The following TMPRSS15 variants were observed in gnomAD, a reference collection of about 807,000 sequenced individuals.
TMPRSS15 encodes enteropeptidase.
TMPRSS15 carries 128 observed loss-of-function variants against 125.3 expected under a neutral mutation model. That is an observed-to-expected ratio of 1.02 (90% CI 0.89 to 1.18). The LOEUF is 1.18. Among genes scored for constraint, TMPRSS15 ranks in the 50% most tolerant of loss-of-function variants. The pLI is 0.00. For missense variants in TMPRSS15, 1,283 were observed against 1,212.7 expected, an observed-to-expected ratio of 1.06 and a Z score of -0.86; for synonymous variants, 446 against 423.2, an observed-to-expected ratio of 1.05 and a Z score of -0.66.
intron 18 of TMPRSS15, among the ~76,000 whole-genome samples, chr21:18,304,337 T>C (rs1299712772): frequency 1.3e-5 from 2 of 152,160 alleles, no homozygotes; most frequent in African/African-American, 4.8e-5. Context: ...GGATGCTTTG[T>C]ATAACTTCTA....
chr21:18,282,261 T>C (rs1223960885), intron 21 of TMPRSS15, among the ~76,000 whole-genome samples: 1 of 152,068 alleles, frequency 6.6e-6, no homozygotes, highest in East Asian at 1.9e-4. Flanking sequence ...TTGGGTAGTA[T>C]ATTATAATTT....
In TMPRSS15 at chr21:18,313,951, CA is replaced by C. The variant is rs1332882778; in HGVS notation, c.2033-875del. Among the ~76,000 whole-genome samples, 5 of 150,506 alleles carry C rather than the reference CA, an allele frequency of 3.3e-5. No homozygotes were observed. In the East Asian group the frequency reaches 9.8e-4, roughly 29 times the overall value. ...TGCTTTTATACCATTTGATTTCTAT[CA>C]ACTTACTTATCATTTTACAACCATT... On this transcript the variant is annotated intron_variant, in intron 17 of 24. Transcript: ENST00000284885.
At chr21:18,364,127 A>G (rs1395061044) in intron 7 of TMPRSS15, among the ~76,000 whole-genome samples, 4 of 152,184 alleles carry the variant, frequency 2.6e-5, no homozygotes, top group East Asian at 3.9e-4. Flanking sequence ...CTGACTTTTA[A>G]CTTTCTTTAA....
chr21:18,423,228 C>T (rs2123195092), intron 1 of TMPRSS15, among the ~76,000 whole-genome samples: 1 of 152,212 alleles, frequency 6.6e-6, no homozygotes, highest in East Asian at 1.9e-4. Context: ...ACAATTGCCT[C>T]CTCCCCCAAC....
Position 18,444,399 on chromosome 21 carries a change from C to T in TMPRSS15, c.10+41400G>A, listed in dbSNP as rs934059833. Among the ~76,000 whole-genome samples the T allele has an allele frequency of 2.0e-5, 3 of 152,164 alleles. No homozygotes were observed. In the East Asian group the frequency reaches 5.8e-4, roughly 29 times the overall value. ...GTCACAAGGACAGAAAACCAAACAC[C>T]GCATGTTCTCACTCATAAGTGGGAG... is the stretch of plus-strand genomic sequence containing the variant. On this transcript the variant is annotated intron_variant, in intron 1 of 7. Transcript: ENST00000422787.
At chr21:18,401,867 C>T (rs980982869) in intron 1 of TMPRSS15, among the ~76,000 whole-genome samples, 28 of 152,228 alleles carry the variant, frequency 1.8e-4, no homozygotes, top group African/African-American at 6.3e-4. Flanking sequence ...TTTATTTTCT[C>T]TTTCACTTGT....
intron 24 of TMPRSS15, among the ~76,000 whole-genome samples, chr21:18,271,089 T>A (rs529408736): frequency 6.6e-6 from 1 of 152,282 alleles, no homozygotes; most frequent in East Asian, 1.9e-4. Flanking sequence ...GCACCCTTTT[T>A]TCCCCTCCAT....
chr21:18,484,318 C>A (rs1467522321), intron 1 of TMPRSS15, among the ~76,000 whole-genome samples: 2 of 151,880 alleles, frequency 1.3e-5, no homozygotes, highest in Non-Finnish European at 2.9e-5. Flanking sequence ...GCTACTCCCA[C>A]AGTGCCTTTT....
chr21:18,269,970 T>C lies in TMPRSS15; in HGVS notation c.3059A>G (p.Ter1020TrpextTer4). The change falls in exon 25 of 25, where the codon TAG becomes TGG. Residue 1020 changes from the stop codon to tryptophan, a stop_lost. Coordinates refer to ENST00000284885, the MANE Select transcript of TMPRSS15 (RefSeq NM_002772.3). ...TTCCTGTTTAGTTTAAGAAATGCGC[T>C]AATGTAGAAAACTTTGTATCCATTC... ...FTEWIQSFLH[*>W] 6.2e-7 allele frequency: 1 copy of C among 1,613,818 alleles called. No individual in the cohort carries two copies. Among genetic ancestry groups the C allele is most frequent in the Non-Finnish European group, 8.5e-7 (1 of 1,179,774 alleles).
chr21:18,340,790 G>A (rs189639658), intron 13 of TMPRSS15, among the ~76,000 whole-genome samples: 2 of 152,250 alleles, frequency 1.3e-5, no homozygotes, highest in Admixed American at 1.3e-4. Flanking sequence ...ATGCCACGTG[G>A]CCAGTACAAC....
chr21:18,353,622 A>G (rs1179570631), intron 9 of TMPRSS15, 101 bp downstream of exon 9: 15 of 1,095,558 alleles, frequency 1.4e-5, no homozygotes, highest in Non-Finnish European at 2.0e-5. Flanking sequence ...TACTCATTAT[A>G]AAATTACATC....
Position 18,277,347 on chromosome 21 carries a change from TAAAG to T in TMPRSS15, c.2764+1613_2764+1616del, listed in dbSNP as rs528780448. Among the ~76,000 whole-genome samples the T allele has an allele frequency of 1.2e-4, 19 of 152,228 alleles. No individual in the cohort carries two copies. The East Asian group carries it at 2.7e-3, about 22-fold the overall frequency. On this transcript the variant is annotated intron_variant, in intron 23 of 24. Transcript: ENST00000284885. ...AAAACAAAAAAAACTTCCTATGAAA[TAAAG>T]AGTTTCAAATTTTGTTATTGGTTAA...
intron 24 of TMPRSS15, among the ~76,000 whole-genome samples, chr21:18,272,115 G>A (rs2074564485): frequency 6.6e-6 from 1 of 152,096 alleles, no homozygotes; most frequent in Non-Finnish European, 1.5e-5. Context: ...GGTATTTCTG[G>A]TTCTATATCC....
intron 7 of TMPRSS15, among the ~76,000 whole-genome samples, chr21:18,362,347 G>T (rs1450226584): frequency 6.6e-6 from 1 of 152,124 alleles, no homozygotes; most frequent in East Asian, 1.9e-4. Context: ...CAAGAATATG[G>T]TGAGTGTTTT....
chr21:18,410,156 T>G (rs2076162298), intron 1 of TMPRSS15, among the ~76,000 whole-genome samples: 1 of 151,322 alleles, frequency 6.6e-6, no homozygotes, highest in African/African-American at 2.4e-5. Context: ...AGAGAAAGGT[T>G]TTGAGGCAGG....
intron 1 of TMPRSS15, among the ~76,000 whole-genome samples, chr21:18,440,459 C>T (rs2076238973): frequency 6.7e-6 from 1 of 150,186 alleles, no homozygotes; most frequent in Non-Finnish European, 1.5e-5. Context: ...AATAAGAAAG[C>T]TTTGAGATCA....
At chr21:18,341,039 C>T (rs900943091) in intron 13 of TMPRSS15, among the ~76,000 whole-genome samples, 1 of 152,006 alleles carries the variant, frequency 6.6e-6, no homozygotes, top group Non-Finnish European at 1.5e-5. Context: ...GAAGATCTAC[C>T]TGAAAATAAT....
chr21:18,422,561 A>T (rs1412007963), intron 1 of TMPRSS15, among the ~76,000 whole-genome samples: 1 of 152,208 alleles, frequency 6.6e-6, no homozygotes, highest in East Asian at 1.9e-4. Flanking sequence ...TTTTACATGC[A>T]TTTAGTTATT....
At chr21:18,318,977 A>C (rs893924760) in intron 16 of TMPRSS15, among the ~76,000 whole-genome samples, 7 of 152,226 alleles carry the variant, frequency 4.6e-5, no homozygotes, top group African/African-American at 1.4e-4. Flanking sequence ...AATAAGTATG[A>C]AGCTTAGTAA....
Sources: gnomAD v4.1 joint callset for allele counts (sites outside exome capture counted in the v4.1 genomes callset) on GRCh38, gnomAD v4.1.1 for gene constraint, MANE v1.5 for transcripts, NCBI Gene and HGNC (gene_info 2026-07-23, HGNC 2026-07-21) for gene names.